WASL: variants seen among roughly 807,000 people sequenced by gnomAD.
WASL encodes WASP like actin nucleation promoting factor.
In WASL, 20 loss-of-function variants were observed where a neutral mutation model predicts 55.5. The observed-to-expected ratio is 0.36, with a 90% CI of 0.25 to 0.52. The LOEUF (loss-of-function observed/expected upper bound fraction) is 0.52. Ranked by LOEUF, WASL falls within the 20% of genes least tolerant of loss-of-function variation. WASL has a pLI of 0.92. For synonymous variants in WASL, 249 were observed against 217.6 expected, an observed-to-expected ratio of 1.14 and a Z score of -1.27; for missense variants, 504 against 622.5, an observed-to-expected ratio of 0.81 and a Z score of 2.03.
At chr7:123,746,994 C>T (rs1480890599) in intron 1 of WASL, among the ~76,000 whole-genome samples, 2 of 152,136 alleles carry the variant, frequency 1.3e-5, no homozygotes, top group Non-Finnish European at 2.9e-5. Context: ...GAAGATTTTC[C>T]TAAACTGAGC....
intron 1 of WASL, among the ~76,000 whole-genome samples, chr7:123,719,681 C>G (rs1469345222): frequency 6.6e-6 from 1 of 152,168 alleles, no homozygotes; most frequent in Non-Finnish European, 1.5e-5. Flanking sequence ...AGCACAAGCA[C>G]CATTCTATAA....
intron 6 of WASL, 28 bp from the exon 7 acceptor site, chr7:123,695,893 A>G (rs759275559): frequency 1.2e-6 from 2 of 1,609,542 alleles, no homozygotes; most frequent in East Asian, 2.2e-5. Flanking sequence ...AAAAAAATAG[A>G]AAAACAAAAT....
At chr7:123,692,972 A>G (rs1803437892) in intron 8 of WASL, 105 bp from the exon 9 acceptor site, 1 of 1,280,612 alleles carries the variant, frequency 7.8e-7, no homozygotes, top group African/African-American at 1.5e-5. Flanking sequence ...TAATACCAAA[A>G]AAGGGTCTCA....
intron 9 of WASL, among the ~76,000 whole-genome samples, chr7:123,689,783 GA>G (rs67543108): frequency 2.2e-4 from 33 of 148,792 alleles, no homozygotes; most frequent in Admixed American, 4.0e-4. Context: ...GTGCATTCAT[GA>G]AAAAAAAAAT....
intron 10 of WASL, among the ~76,000 whole-genome samples, chr7:123,688,672 CATGTCACAGTA>C (rs1196368748): frequency 2.0e-5 from 3 of 152,198 alleles, no homozygotes; most frequent in South Asian, 4.1e-4. Flanking sequence ...CTGAATTTTT[CATGTCACAGTA>C]ATGTCACAGG....
intron 1 of WASL, among the ~76,000 whole-genome samples, chr7:123,723,737 C>G (rs959139773): frequency 6.6e-6 from 1 of 152,182 alleles, no homozygotes; most frequent in African/African-American, 2.4e-5. Context: ...GTTCCAATAA[C>G]TCCTGCTGTT....
In WASL at chr7:123,706,735, C is replaced by A; in HGVS notation, c.339+5G>T. 6.4e-7 allele frequency: 1 copy of A among 1,553,430 alleles called. No individual in the cohort carries two copies. Among genetic ancestry groups the A allele is most frequent in the South Asian group, 1.2e-5 (1 of 81,240 alleles). On this transcript the variant is annotated splice_donor_5th_base_variant and intron_variant, in intron 3 of 10. Coordinates refer to ENST00000223023, the MANE Select transcript of WASL (RefSeq NM_003941.4). ...AAGATGGCAATAAAGAAAAATATGA[C>A]TTACATCTCCAGCAAAGGTATGAAA...
chr7:123,689,174 C>T, intron 9 of WASL, 24 bp from the exon 10 acceptor site: 1 of 1,588,614 alleles, frequency 6.3e-7, no homozygotes, highest in Non-Finnish European at 8.6e-7. Flanking sequence ...GTTAGCAAAA[C>T]TCAGTAATAA....
intron 1 of WASL, among the ~76,000 whole-genome samples, chr7:123,709,823 T>A (rs758076169): frequency 1.3e-5 from 2 of 152,200 alleles, no homozygotes; most frequent in Non-Finnish European, 2.9e-5. Flanking sequence ...TAGTATCTCC[T>A]TTCTAAAGTG....
At chr7:123,735,893 T>C (rs1804220997) in intron 1 of WASL, among the ~76,000 whole-genome samples, 1 of 152,072 alleles carries the variant, frequency 6.6e-6, no homozygotes, top group African/African-American at 2.4e-5. Context: ...GAAAAAATCA[T>C]GTCTGAAGTT....
At chr7:123,721,273 G>T (rs1239325329) in intron 1 of WASL, among the ~76,000 whole-genome samples, 2 of 151,474 alleles carry the variant, frequency 1.3e-5, no homozygotes, top group Non-Finnish European at 2.9e-5. Flanking sequence ...CAGTCACAGG[G>T]ATGTACATAT....
chr7:123,694,181 C>T (rs1212770117), intron 8 of WASL, among the ~76,000 whole-genome samples: 1 of 151,948 alleles, frequency 6.6e-6, no homozygotes, highest in East Asian at 1.9e-4. Context: ...CATTTTACTG[C>T]AATAATTATT....
chr7:123,696,466 T>C, intron 6 of WASL, 113 bp downstream of exon 6: 2 of 1,014,650 alleles, frequency 2.0e-6, no homozygotes, highest in Non-Finnish European at 2.6e-6. Context: ...ATCCAAGTGA[T>C]GAATGTACAC....
intron 1 of WASL, among the ~76,000 whole-genome samples, chr7:123,727,518 G>C (rs527670728): frequency 6.6e-6 from 1 of 152,220 alleles, no homozygotes; most frequent in South Asian, 2.1e-4. Context: ...AATAAAAAAA[G>C]AATGAACATG....
chr7:123,702,745 A>G (rs534979288), intron 5 of WASL, among the ~76,000 whole-genome samples: 11 of 152,344 alleles, frequency 7.2e-5, no homozygotes, highest in African/African-American at 2.6e-4. Flanking sequence ...GAGGATTTAA[A>G]GCATATAGGA....
At chr7:123,687,362 CT>C (rs1415934394) in intron 10 of WASL, among the ~76,000 whole-genome samples, 1 of 152,120 alleles carries the variant, frequency 6.6e-6, no homozygotes, top group Non-Finnish European at 1.5e-5. Flanking sequence ...TACCACTGGC[CT>C]CCTACTACTT....
At chr7:123,711,565 G>A (rs1161112571) in intron 1 of WASL, among the ~76,000 whole-genome samples, 1 of 152,086 alleles carries the variant, frequency 6.6e-6, no homozygotes, top group African/African-American at 2.4e-5. Flanking sequence ...ACCTTGTAAA[G>A]CCTTTTCTAA....
At chr7:123,697,174 C>CT (rs753786600) in intron 5 of WASL, among the ~76,000 whole-genome samples, 8 of 152,022 alleles carry the variant, frequency 5.3e-5, no homozygotes, top group Non-Finnish European at 1.0e-4. Flanking sequence ...AGCCTTAACT[C>CT]TTTGTTTCAA....
Position 123,683,686 on chromosome 7 carries a change from T to C in WASL, c.*833A>G, listed in dbSNP as rs1386726748. The C allele has an allele frequency of 6.6e-6, 1 of 152,028 alleles. No individual in the cohort carries two copies. The highest frequency in any genetic ancestry group is 6.6e-5 in the Admixed American group (1 of 15,240). 9.4% of individuals were successfully genotyped at this position (152,028 alleles called of 1,614,324 possible). On this transcript the variant is annotated 3_prime_UTR_variant, in exon 11 of 11. Transcript: ENST00000223023. ...CCAAATATTGGAGTTACCATAATAT[T>C]ACCTCAGTTCATGTAGAATGAAAAC...
Sources: allele counts gnomAD v4.1 joint callset (sites outside exome capture counted in the v4.1 genomes callset), GRCh38; gene constraint gnomAD v4.1.1; transcripts MANE v1.5; gene names NCBI Gene and HGNC (gene_info 2026-07-23, HGNC 2026-07-21).